The following DYNC1I1 variants were observed in gnomAD, a reference collection of about 807,000 sequenced individuals.
DYNC1I1 encodes the protein cytoplasmic dynein 1 intermediate chain 1.
In DYNC1I1, 43 loss-of-function variants were observed where a neutral mutation model predicts 86.6. The ratio of observed to expected loss-of-function variants is 0.50; its 90% CI spans 0.39 to 0.64. The LOEUF (loss-of-function observed/expected upper bound fraction) is 0.64. DYNC1I1 is among the 30% of genes least tolerant of loss of function. The pLI, the probability that DYNC1I1 is intolerant of heterozygous loss-of-function variation, is 0.00. For missense variants in DYNC1I1, 604 were observed against 788.8 expected (o/e 0.77, Z 2.81); for synonymous variants, 262 against 283.7 (o/e 0.92, Z 0.77).
intron 16 of DYNC1I1, among the ~76,000 whole-genome samples, chr7:96,084,230 G>T (rs140831454): frequency 1.3e-5 from 2 of 150,226 alleles, no homozygotes; most frequent in African/African-American, 4.9e-5. Flanking sequence ...AGGAAGGAAC[G>T]CCACATTTTC....
intron 1 of DYNC1I1, among the ~76,000 whole-genome samples, chr7:95,783,267 T>A (rs1414621818): frequency 2.0e-5 from 3 of 152,160 alleles, no homozygotes; most frequent in Non-Finnish European, 2.9e-5. Flanking sequence ...AAACTGAGCT[T>A]ACAAATATAA....
chr7:95,941,541 C>T (rs1241741901), intron 6 of DYNC1I1, among the ~76,000 whole-genome samples: 1 of 152,202 alleles, frequency 6.6e-6, no homozygotes, highest in Non-Finnish European at 1.5e-5. Flanking sequence ...TGCCACCTTG[C>T]AGTTTGATCT....
chr7:95,929,522 G>A lies in DYNC1I1; in HGVS notation c.491-47990G>A, dbSNP rs2116404070. On this transcript the variant is annotated intron_variant, in intron 6 of 16. Coordinates refer to ENST00000447467, the MANE Select transcript of DYNC1I1 (RefSeq NM_001135556.2). ...GCTCATTAACAATTGTGCTGGGGTTGTTTGTTGTTGCTTGTAAATTTTTTG... is the reference window on the plus strand; with the variant it reads ...GCTCATTAACAATTGTGCTGGGGTTATTTGTTGTTGCTTGTAAATTTTTTG... Among the ~76,000 whole-genome samples the A allele has an allele frequency of 2.6e-5, 4 of 152,284 alleles. No homozygotes were observed. The South Asian group carries it at 8.3e-4, about 32-fold the overall frequency.
intron 1 of DYNC1I1, among the ~76,000 whole-genome samples, chr7:95,781,690 A>G (rs1272154648): frequency 6.6e-6 from 1 of 152,206 alleles, no homozygotes; most frequent in Non-Finnish European, 1.5e-5. Context: ...GCACATGGAA[A>G]AAGTGTTTTC....
rs1793891828 is a variant in DYNC1I1 at position 95,778,070 on chromosome 7, G to C, written c.-10+5297G>C. On this transcript the variant is annotated intron_variant, in intron 1 of 16. Coordinates refer to ENST00000447467, the MANE Select transcript of DYNC1I1 (RefSeq NM_001135556.2). Reference sequence around the variant, plus strand: ...ACCAACTTCAATTTAAAATGTATGTGAAGAAGCTCTTTTCACAAAGGGATG... The same window carrying C: ...ACCAACTTCAATTTAAAATGTATGTCAAGAAGCTCTTTTCACAAAGGGATG... Among the ~76,000 whole-genome samples the C allele has an allele frequency of 2.6e-5, 4 of 152,294 alleles. 1 individual carries two copies. In the South Asian group the frequency reaches 8.3e-4, roughly 32 times the overall value.
At chr7:95,774,987 T>C (rs752099556) in intron 1 of DYNC1I1, among the ~76,000 whole-genome samples, 8 of 152,256 alleles carry the variant, frequency 5.3e-5, no homozygotes, top group Non-Finnish European at 1.0e-4. Context: ...TTATTCTCCC[T>C]ACACTTGAAA....
intron 14 of DYNC1I1, chr7:96,056,131 T>C (rs1435198504): frequency 6.6e-6 from 1 of 152,124 alleles, no homozygotes; most frequent in Non-Finnish European, 1.5e-5. Flanking sequence ...CACCCACCTA[T>C]GGAATTTAAT....
chr7:96,094,775 G>T (rs1032230109), intron 16 of DYNC1I1, among the ~76,000 whole-genome samples: 8 of 152,144 alleles, frequency 5.3e-5, no homozygotes, highest in African/African-American at 1.7e-4. Flanking sequence ...AAGATGAAAA[G>T]GATAGTAGGA....
At chr7:95,898,326 G>A (rs909473877) in intron 6 of DYNC1I1, among the ~76,000 whole-genome samples, 3 of 152,200 alleles carry the variant, frequency 2.0e-5, no homozygotes, top group African/African-American at 7.2e-5. Context: ...AATTTAGATT[G>A]TTGTTCCAAG....
chr7:95,946,505 C>T lies in DYNC1I1; in HGVS notation c.491-31007C>T, dbSNP rs143548628. 2.6e-5 allele frequency among the ~76,000 whole-genome samples: 4 copies of T among 152,270 alleles called. No homozygotes were observed. The East Asian group carries it at 7.7e-4, about 29-fold the overall frequency. ...TCCTCCACAAAAATCTTCATCAGCA[C>T]CCTAGAAAGAGGTGTGATTCTTTTC... On this transcript the variant is annotated intron_variant, in intron 6 of 16. Coordinates refer to ENST00000447467, the MANE Select transcript of DYNC1I1 (RefSeq NM_001135556.2).
At chr7:95,868,962 C>T (rs1304040381) in intron 5 of DYNC1I1, among the ~76,000 whole-genome samples, 1 of 97,300 alleles carries the variant, frequency 1.0e-5, no homozygotes, top group African/African-American at 5.6e-5. Context: ...GGAGGCACTT[C>T]GATTTTTGCA....
intron 6 of DYNC1I1, among the ~76,000 whole-genome samples, chr7:95,912,471 G>C (rs998107260): frequency 1.3e-5 from 2 of 152,212 alleles, no homozygotes; most frequent in African/African-American, 4.8e-5. Flanking sequence ...TTCAGGGTGT[G>C]CAGTGCATGT....
chr7:96,061,680 T>C (rs1034859084), intron 14 of DYNC1I1, among the ~76,000 whole-genome samples: 1 of 143,286 alleles, frequency 7.0e-6, no homozygotes. Flanking sequence ...TCTCTCTCTC[T>C]CCCTCCCTCC....
At chr7:95,965,401 A>G (rs1048821572) in intron 6 of DYNC1I1, among the ~76,000 whole-genome samples, 9 of 152,226 alleles carry the variant, frequency 5.9e-5, no homozygotes, top group South Asian at 4.1e-4. Flanking sequence ...CTGGAGTTCA[A>G]AAATCTGCCT....
chr7:95,865,523 ATAAG>A (rs1274709391), intron 5 of DYNC1I1, among the ~76,000 whole-genome samples: 2 of 152,192 alleles, frequency 1.3e-5, no homozygotes, highest in Non-Finnish European at 1.5e-5. Context: ...TAAGGGATAA[ATAAG>A]TATCTTTGCA....
chr7:95,882,674 G>C (rs954103629), intron 6 of DYNC1I1, among the ~76,000 whole-genome samples: 11 of 152,170 alleles, frequency 7.2e-5, no homozygotes, highest in African/African-American at 2.2e-4. Context: ...CTCTTACTTT[G>C]CTTAAATTTA....
chr7:95,870,535 C>A (rs893476321), intron 6 of DYNC1I1, among the ~76,000 whole-genome samples: 1 of 152,220 alleles, frequency 6.6e-6, no homozygotes, highest in African/African-American at 2.4e-5. Context: ...TTATTATAAC[C>A]TGGCCCTTTA....
chr7:95,784,575 G>A (rs1047640694), intron 1 of DYNC1I1, among the ~76,000 whole-genome samples: 3 of 152,176 alleles, frequency 2.0e-5, no homozygotes, highest in East Asian at 1.9e-4. Flanking sequence ...CTGGTGAAGG[G>A]GTGGGCATGA....
intron 16 of DYNC1I1, among the ~76,000 whole-genome samples, chr7:96,084,463 A>T (rs1790619199): frequency 9.4e-6 from 1 of 105,918 alleles, no homozygotes; most frequent in African/African-American, 3.4e-5. Context: ...TTTTTTTGAG[A>T]CGGAGTTTTG....
Sources: gnomAD v4.1 joint callset for allele counts (sites outside exome capture counted in the v4.1 genomes callset) on GRCh38, gnomAD v4.1.1 for gene constraint, MANE v1.5 for transcripts, NCBI Gene and HGNC (gene_info 2026-07-23, HGNC 2026-07-21) for gene names.